The following SNX25 variants were observed in gnomAD, a reference collection of about 807,000 sequenced individuals.
The protein encoded by SNX25 is sorting nexin-25.
Under a neutral mutation model 113.7 loss-of-function variants are expected in SNX25, and 62 were observed. The ratio of observed to expected loss-of-function variants is 0.55; its 90% CI spans 0.44 to 0.67. The LOEUF is 0.67. Ranked by LOEUF, SNX25 falls within the 30% of genes least tolerant of loss-of-function variation. The pLI is 0.00. For synonymous variants in SNX25, 421 were observed against 436.2 expected, an observed-to-expected ratio of 0.97 and a Z score of 0.43; for missense variants, 1,014 against 1,161.0, an observed-to-expected ratio of 0.87 and a Z score of 1.84.
intron 10 of SNX25, 127 bp downstream of exon 10, chr4:185,332,886 T>C (rs911273848): frequency 9.2e-6 from 9 of 981,924 alleles, no homozygotes; most frequent in African/African-American, 3.3e-5. Flanking sequence ...TCCATTGTTA[T>C]TTTTTTGCTT....
chr4:185,279,550 C>T (rs1213332931), intron 5 of SNX25, among the ~76,000 whole-genome samples: 2 of 152,180 alleles, frequency 1.3e-5, no homozygotes, highest in Non-Finnish European at 2.9e-5. Context: ...CTGCTTAATG[C>T]CATTGGACAT....
chr4:185,224,564 T>C (rs1202052240), intron 1 of SNX25, among the ~76,000 whole-genome samples: 87 of 114,830 alleles, frequency 7.6e-4, no homozygotes, highest in Non-Finnish European at 1.6e-3. Context: ...TATAAATATA[T>C]ATAAGTGTAT....
chr4:185,374,684 G>A (rs1037457244), downstream of SNX25, among the ~76,000 whole-genome samples: 2 of 152,136 alleles, frequency 1.3e-5, no homozygotes, highest in Admixed American at 1.3e-4. Context: ...CAGGAGCTCT[G>A]GGATATAAGA....
intron 7 of SNX25, among the ~76,000 whole-genome samples, chr4:185,316,207 T>C (rs2095073099): frequency 6.6e-6 from 1 of 152,380 alleles, no homozygotes; most frequent in East Asian, 1.9e-4. Flanking sequence ...GTGCCTTCTC[T>C]TTCTCCTGGT....
chr4:185,300,985 C>T (rs555762910), intron 6 of SNX25, among the ~76,000 whole-genome samples: 13 of 152,206 alleles, frequency 8.5e-5, no homozygotes, highest in Admixed American at 7.2e-4. Context: ...GAAACAGAAT[C>T]TCCCTCTCTG....
rs534536229 is a variant in SNX25 at position 185,290,022 on chromosome 4, A to G, written c.1162+1940A>G. Among the ~76,000 whole-genome samples the G allele has an allele frequency of 3.9e-5, 6 of 152,300 alleles. No individual in the cohort carries two copies. The South Asian group carries it at 8.3e-4, about 21-fold the overall frequency. On this transcript the variant is annotated intron_variant, in intron 6 of 18. Transcript: ENST00000652585. ...GGCCTCTCCCTGTCTGCAGATGGCC[A>G]TCTTCTCCATGTGTCTTCACATTGT...
chr4:185,351,709 T>C (rs1177719896), intron 14 of SNX25, 100 bp downstream of exon 14: 2 of 1,260,298 alleles, frequency 1.6e-6, no homozygotes, highest in Non-Finnish European at 2.2e-6. Flanking sequence ...TTTTCAGTCA[T>C]TAGCACTGTC....
intron 1 of SNX25, among the ~76,000 whole-genome samples, chr4:185,245,959 T>C (rs112271240): frequency 1.1e-4 from 17 of 152,302 alleles, no homozygotes; most frequent in South Asian, 2.1e-4. Flanking sequence ...TGGATTTCCA[T>C]TGGGCAGAGT....
chr4:185,313,965 T>G (rs1349244455), intron 7 of SNX25, among the ~76,000 whole-genome samples: 1 of 152,058 alleles, frequency 6.6e-6, no homozygotes, highest in Admixed American at 6.5e-5. Context: ...ACTCACTAAG[T>G]GGAAGTGGAT....
upstream of SNX25, among the ~76,000 whole-genome samples, chr4:185,205,479 C>G (rs934039128): frequency 1.3e-5 from 2 of 151,818 alleles, no homozygotes; most frequent in Non-Finnish European, 2.9e-5. Flanking sequence ...AAGAATTTCA[C>G]TTTCTTTTAA....
intron 18 of SNX25, 71 bp downstream of exon 18, chr4:185,362,782 A>AT: frequency 1.6e-6 from 2 of 1,214,512 alleles, no homozygotes; most frequent in Non-Finnish European, 2.4e-6. Context: ...CAGAAAAAAC[A>AT]TGTGCCCCAG....
At chr4:185,349,696 T>G (rs1334031795) in intron 13 of SNX25, among the ~76,000 whole-genome samples, 1 of 152,208 alleles carries the variant, frequency 6.6e-6, no homozygotes, top group East Asian at 1.9e-4. Context: ...TTGTGTCTAT[T>G]CAAGTCCTTT....
intron 9 of SNX25, among the ~76,000 whole-genome samples, chr4:185,328,166 AT>A (rs1318156962): frequency 6.6e-6 from 1 of 150,988 alleles, no homozygotes; most frequent in African/African-American, 2.4e-5. Context: ...TAGTTATAAG[AT>A]TTTTTTTTTC....
intron 4 of SNX25, among the ~76,000 whole-genome samples, chr4:185,265,065 C>G (rs1255238952): frequency 6.6e-6 from 1 of 151,806 alleles, no homozygotes; most frequent in Non-Finnish European, 1.5e-5. Context: ...CTCCTGGGTT[C>G]AAGTGATCCT....
intron 3 of SNX25, 89 bp from the exon 4 acceptor site, chr4:185,264,349 T>TATTCTCAAATGAACTA (rs1747751706): frequency 4.8e-6 from 6 of 1,246,036 alleles, no homozygotes; most frequent in Non-Finnish European, 6.7e-6. Context: ...AACCAATGTG[T>TATTCTCAAATGAACTA]TTCTCATTTG....
chr4:185,339,403 A>T lies in SNX25; in HGVS notation c.1939A>T (p.Ile647Leu). 4.3e-6 allele frequency: 7 copies of T among 1,614,058 alleles called. No homozygotes were observed. The highest frequency in any genetic ancestry group is 5.9e-6 in the Non-Finnish European group (7 of 1,179,940). ...KKIVSKLKDE[I>L]ILIEKERTDL... ...GATTGTTTCCAAGTTGAAGGATGAA[A>T]TAATCCTAATAGAGAAAGAACGCAC... Residue 647 changes from isoleucine (I) to leucine (L), a missense_variant, in exon 11 of 19, where the codon ATA (isoleucine) becomes TTA (leucine). By Grantham distance (5) the Ile-to-Leu change is conservative (BLOSUM62 2). Transcript: ENST00000652585.
At chr4:185,235,575 C>T (rs1359186691) in intron 1 of SNX25, among the ~76,000 whole-genome samples, 4 of 152,308 alleles carry the variant, frequency 2.6e-5, no homozygotes, top group Non-Finnish European at 4.4e-5. Flanking sequence ...TTTGTTCCTT[C>T]GGTTTCTTCT....
intron 16 of SNX25, among the ~76,000 whole-genome samples, chr4:185,360,686 C>T (rs111859485): frequency 1.3e-5 from 2 of 152,050 alleles, no homozygotes; most frequent in East Asian, 1.9e-4. Context: ...CGGTGGCTCA[C>T]GCCTGTAATC....
downstream of SNX25, among the ~76,000 whole-genome samples, chr4:185,368,851 C>T (rs113751794): frequency 0.015 from 2,196 of 147,708 alleles, 53 homozygotes; most frequent in African/African-American, 0.053. Flanking sequence ...TGGAGTGCAG[C>T]GGCACAGCCT....
Sources: gnomAD v4.1 joint callset for allele counts (sites outside exome capture counted in the v4.1 genomes callset) on GRCh38, gnomAD v4.1.1 for gene constraint, MANE v1.5 for transcripts, NCBI Gene and HGNC (gene_info 2026-07-23, HGNC 2026-07-21) for gene names.